NEGR1: variants seen among roughly 807,000 people sequenced by gnomAD.
NEGR1 encodes the protein IgLON family member 4.
NEGR1 carries 10 observed loss-of-function variants against 40.9 expected under a neutral mutation model. The ratio of observed to expected loss-of-function variants is 0.24; its 90% CI spans 0.15 to 0.42. The LOEUF is 0.42. Among genes scored for constraint, NEGR1 ranks in the 10% least tolerant of loss-of-function variants. NEGR1 has a pLI of 1.00. For missense variants in NEGR1, 352 were observed against 438.9 expected, an observed-to-expected ratio of 0.80 and a Z score of 1.77; for synonymous variants, 185 against 166.8, an observed-to-expected ratio of 1.11 and a Z score of -0.84.
intron 2 of NEGR1, among the ~76,000 whole-genome samples, chr1:71,826,044 C>T (rs1053040418): frequency 2.6e-5 from 4 of 151,870 alleles, no homozygotes; most frequent in African/African-American, 9.7e-5. Flanking sequence ...ATAGAAGATA[C>T]GCCTCTATCG....
At chr1:71,438,478 A>T (rs1569871674) in intron 6 of NEGR1, among the ~76,000 whole-genome samples, 1 of 152,182 alleles carries the variant, frequency 6.6e-6, no homozygotes, top group South Asian at 2.1e-4. Context: ...TTGCCTTCTC[A>T]TCCCACTGAA....
intron 1 of NEGR1, 51 bp downstream of exon 1, chr1:72,282,268 A>G (rs377518173): frequency 1.9e-6 from 3 of 1,600,734 alleles, no homozygotes; most frequent in Non-Finnish European, 2.6e-6. Flanking sequence ...GTTCAAAGAG[A>G]GACAGAAAGA....
intron 2 of NEGR1, among the ~76,000 whole-genome samples, chr1:71,845,734 TCTAC>T (rs533286064): frequency 2.1e-4 from 16 of 77,600 alleles, no homozygotes; most frequent in Non-Finnish European, 2.8e-4. Context: ...TATCTATCTA[TCTAC>T]CTACCTACCT....
chr1:72,205,295 C>G (rs923213907), intron 1 of NEGR1, among the ~76,000 whole-genome samples: 1 of 151,852 alleles, frequency 6.6e-6, no homozygotes, highest in East Asian at 2.0e-4. Context: ...TCTATGGCCA[C>G]TACTTGAAGC....
intron 6 of NEGR1, among the ~76,000 whole-genome samples, chr1:71,428,602 G>T (rs1231244423): frequency 6.6e-6 from 1 of 150,818 alleles, no homozygotes; most frequent in Non-Finnish European, 1.5e-5. Flanking sequence ...GACCTATCAT[G>T]TTTAAGTATG....
intron 1 of NEGR1, among the ~76,000 whole-genome samples, chr1:72,165,751 T>C (rs1284808802): frequency 6.6e-6 from 1 of 151,988 alleles, no homozygotes; most frequent in Non-Finnish European, 1.5e-5. Context: ...GGTAGTTGAG[T>C]AAAATATCTT....
chr1:71,590,756 A>T (rs1649470528), intron 6 of NEGR1, among the ~76,000 whole-genome samples: 2 of 152,176 alleles, frequency 1.3e-5, no homozygotes, highest in Admixed American at 6.6e-5. Context: ...ACAATGTGCT[A>T]TTTGTAATTA....
chr1:71,724,577 T>G (rs1219791820), intron 3 of NEGR1, among the ~76,000 whole-genome samples: 1 of 152,180 alleles, frequency 6.6e-6, no homozygotes, highest in African/African-American at 2.4e-5. Context: ...TGCTTTTGTA[T>G]TCTTATGAAT....
Position 71,776,230 on chromosome 1 carries a change from A to G in NEGR1, c.477T>C (p.Thr159=). Residue 159 remains threonine (T), a synonymous_variant, in exon 3 of 7, where the codon ACT becomes ACC. Coordinates refer to ENST00000357731, the MANE Select transcript of NEGR1 (RefSeq NM_173808.3). ...GCTCTGGTTTCCCAGTGGCCAAACA[A>G]GTAAGAGTGACGTTGGTTCCTTCAT... is the stretch of plus-strand genomic sequence containing the variant. The part of the protein sequence containing the change: ...TVNEGTNVTL[T]CLATGKPEPS... The G allele has an allele frequency of 1.9e-6, 3 of 1,609,108 alleles. No homozygotes were observed. The highest frequency in any genetic ancestry group is 2.5e-6 in the Non-Finnish European group (3 of 1,176,876).
At chr1:71,844,459 G>T (rs184521677) in intron 2 of NEGR1, among the ~76,000 whole-genome samples, 2 of 152,276 alleles carry the variant, frequency 1.3e-5, no homozygotes, top group African/African-American at 4.8e-5. Context: ...CCACAGTAAG[G>T]CATTTCAAAG....
rs556125287 is a variant in NEGR1, at chr1:71,637,998, C to G, written c.668-26852G>C. Among the ~76,000 whole-genome samples, 4 of 151,942 alleles carry G rather than the reference C, an allele frequency of 2.6e-5. No homozygotes were observed. In the South Asian group the frequency reaches 8.3e-4, roughly 32 times the overall value. On this transcript the variant is annotated intron_variant, in intron 4 of 6. Transcript: ENST00000357731. ...ATGTCTGGTGCTATATTATTTTTAT[C>G]ATTTAGATGAGAAAGCTGAAGCTAG...
intron 6 of NEGR1, among the ~76,000 whole-genome samples, chr1:71,485,093 G>C (rs1279445112): frequency 6.6e-6 from 1 of 151,570 alleles, no homozygotes; most frequent in Non-Finnish European, 1.5e-5. Flanking sequence ...CAAGCTTGAG[G>C]GTATTCCCAT....
intron 1 of NEGR1, among the ~76,000 whole-genome samples, chr1:72,019,641 A>C (rs1462683684): frequency 6.6e-6 from 1 of 152,216 alleles, no homozygotes; most frequent in Non-Finnish European, 1.5e-5. Context: ...CTTAATTTTA[A>C]AGTTGCCACT....
At chr1:72,065,618 T>G (rs1448139808) in intron 1 of NEGR1, among the ~76,000 whole-genome samples, 1 of 152,118 alleles carries the variant, frequency 6.6e-6, no homozygotes, top group Non-Finnish European at 1.5e-5. Context: ...TTTGCCCCAC[T>G]GTTCTGTTAA....
At position 71,801,638 on chromosome 1, in the gene NEGR1, A is replaced by G. The variant is rs114951204; in HGVS notation, c.410-25341T>C. Among the ~76,000 whole-genome samples the G allele has an allele frequency of 9.6e-3, 1,460 of 152,274 alleles. 22 individuals are homozygous for G. The highest frequency in any genetic ancestry group is 0.033 in the African/African-American group (1,376 of 41,570). ...ATTCTCACACTCCACATATATTATC[A>G]GAAAATCTATTTGCCTCTAACTTTA... is the stretch of plus-strand genomic sequence containing the variant. On this transcript the variant is annotated intron_variant, in intron 2 of 6. Coordinates refer to ENST00000357731, the MANE Select transcript of NEGR1 (RefSeq NM_173808.3).
At chr1:72,055,783 AATATATTAT>A (rs904491541) in intron 1 of NEGR1, among the ~76,000 whole-genome samples, 7 of 146,926 alleles carry the variant, frequency 4.8e-5, no homozygotes, top group South Asian at 2.1e-4. Flanking sequence ...TGTAATCTAT[AATATATTAT>A]ATATATTATA....
intron 6 of NEGR1, among the ~76,000 whole-genome samples, chr1:71,466,360 G>A (rs1646745879): frequency 1.3e-5 from 2 of 151,966 alleles, no homozygotes; most frequent in Non-Finnish European, 2.9e-5. Flanking sequence ...TGTCCTCCTT[G>A]CTGGAGGCCC....
At chr1:71,710,476 A>G (rs1402216560) in intron 3 of NEGR1, among the ~76,000 whole-genome samples, 1 of 152,200 alleles carries the variant, frequency 6.6e-6, no homozygotes, top group Admixed American at 6.5e-5. Context: ...AAGCAAACTA[A>G]GTGTCCATCA....
intron 1 of NEGR1, among the ~76,000 whole-genome samples, chr1:72,048,914 G>A (rs1414189837): frequency 2.0e-5 from 3 of 151,538 alleles, no homozygotes; most frequent in African/African-American, 7.3e-5. Flanking sequence ...CATATGGACT[G>A]ATTTTCTATT....
Sources: gnomAD v4.1 joint callset for allele counts (sites outside exome capture counted in the v4.1 genomes callset) on GRCh38, gnomAD v4.1.1 for gene constraint, MANE v1.5 for transcripts, NCBI Gene and HGNC (gene_info 2026-07-23, HGNC 2026-07-21) for gene names.